The following ME1 variants were observed in gnomAD, a reference collection of about 807,000 sequenced individuals.
ME1 encodes the protein NADP-dependent malic enzyme.
ME1 carries 74 observed loss-of-function variants against 66.4 expected under a neutral mutation model. That is an observed-to-expected ratio of 1.11 (90% CI 0.92 to 1.35). ME1 has a LOEUF of 1.35. Among genes scored for constraint, ME1 ranks in the 40% most tolerant of loss-of-function variants. The probability of loss-of-function intolerance (pLI) is 0.00; values close to 1 mark genes in which losing one functional copy is unlikely to be tolerated. For missense variants in ME1, 750 were observed against 694.1 expected, an observed-to-expected ratio of 1.08 and a Z score of -0.90; for synonymous variants, 251 against 235.6, an observed-to-expected ratio of 1.07 and a Z score of -0.60.
chr6:83,227,551 C>A, intron 10 of ME1, 74 bp from the exon 11 acceptor site: 2 of 1,237,324 alleles, frequency 1.6e-6, no homozygotes, highest in South Asian at 3.6e-5. Context: ...TGCCTCAAAT[C>A]AATGATATCT....
intron 3 of ME1, among the ~76,000 whole-genome samples, chr6:83,373,454 G>A (rs983303884): frequency 2.6e-5 from 4 of 152,106 alleles, no homozygotes; most frequent in Admixed American, 1.3e-4. Context: ...GGCTGGTCTC[G>A]AACTCCGCCC....
intron 6 of ME1, among the ~76,000 whole-genome samples, chr6:83,310,706 A>G (rs1346213360): frequency 6.6e-6 from 1 of 152,132 alleles, no homozygotes; most frequent in Non-Finnish European, 1.5e-5. Context: ...CAGATGTTTG[A>G]GAAATATGAG....
At position 83,265,642 on chromosome 6, in the gene ME1, A is replaced by G. The variant is rs569696476; in HGVS notation, c.705-11904T>C. Among the ~76,000 whole-genome samples the G allele has an allele frequency of 2.6e-4, 40 of 152,232 alleles. 1 individual carries two copies. In the South Asian group the frequency reaches 8.1e-3, roughly 31 times the overall value. On this transcript the variant is annotated intron_variant, in intron 6 of 13. Transcript: ENST00000369705. ...ACTGAGAAACCAAAAAATTCATGTGACTTGCTTTATTGTAGTATTTGTTTT... is the reference window on the plus strand; with the variant it reads ...ACTGAGAAACCAAAAAATTCATGTGGCTTGCTTTATTGTAGTATTTGTTTT...
chr6:83,341,569 C>T (rs998899849), intron 5 of ME1, among the ~76,000 whole-genome samples: 1 of 152,084 alleles, frequency 6.6e-6, no homozygotes, highest in Non-Finnish European at 1.5e-5. Flanking sequence ...AACAAGAACT[C>T]TAGTTGATCA....
rs143880853 is a variant in ME1, at chr6:83,359,923, T to G, written c.363-7784A>C. On this transcript the variant is annotated intron_variant, in intron 3 of 13. Transcript: ENST00000369705. ...AGGGGCCAAGTGGCCACACTCAACC[T>G]TCAAACGCAAGGTGGGTGGAGCTAC... Among the ~76,000 whole-genome samples, 1,001 of 152,306 alleles carry G rather than the reference T, an allele frequency of 6.6e-3. 10 individuals carry two copies. The highest frequency in any genetic ancestry group is 0.023 in the African/African-American group (949 of 41,564).
At chr6:83,333,986 C>A (rs1768469959) in intron 5 of ME1, among the ~76,000 whole-genome samples, 1 of 151,886 alleles carries the variant, frequency 6.6e-6, no homozygotes, top group South Asian at 2.1e-4. Context: ...ATAGGAACAG[C>A]TCTGGTCTAC....
chr6:83,251,853 T>C lies in ME1; in HGVS notation c.814+1776A>G, dbSNP rs565378156. Among the ~76,000 whole-genome samples the C allele has an allele frequency of 1.6e-4, 25 of 152,272 alleles. No homozygotes were observed. The South Asian group carries it at 1.7e-3, about 10-fold the overall frequency. On this transcript the variant is annotated intron_variant, in intron 7 of 13. Transcript: ENST00000369705. ...TACAATGAAAATCCATCAAATTATTTTGAGGAAGAACTAATAAGATCAGAT... is the reference window on the plus strand; with the variant it reads ...TACAATGAAAATCCATCAAATTATTCTGAGGAAGAACTAATAAGATCAGAT...
At chr6:83,418,324 G>A (rs148696919) in intron 1 of ME1, among the ~76,000 whole-genome samples, 12 of 152,268 alleles carry the variant, frequency 7.9e-5, no homozygotes, top group African/African-American at 2.9e-4. Context: ...CAATGGTAAT[G>A]GTGTAGATCC....
intron 6 of ME1, among the ~76,000 whole-genome samples, chr6:83,269,882 T>C (rs1767054736): frequency 6.6e-6 from 1 of 152,146 alleles, no homozygotes; most frequent in African/African-American, 2.4e-5. Flanking sequence ...TTTATAAAAA[T>C]AAAAGTCTTC....
chr6:83,272,845 A>C (rs867937615), intron 6 of ME1, among the ~76,000 whole-genome samples: 1 of 152,106 alleles, frequency 6.6e-6, no homozygotes, highest in Non-Finnish European at 1.5e-5. Flanking sequence ...TTACATGTAA[A>C]CTAATTCTCT....
chr6:83,345,551 A>T (rs1160265838), intron 5 of ME1, among the ~76,000 whole-genome samples: 1 of 152,188 alleles, frequency 6.6e-6, no homozygotes, highest in Non-Finnish European at 1.5e-5. Context: ...TCTGTTTGGG[A>T]CCTAGGTCTG....
intron 2 of ME1, among the ~76,000 whole-genome samples, chr6:83,403,896 G>T (rs574853745): frequency 6.6e-6 from 1 of 152,274 alleles, no homozygotes; most frequent in Admixed American, 6.5e-5. Flanking sequence ...CATCCAGTCA[G>T]TCTATCATTG....
intron 6 of ME1, among the ~76,000 whole-genome samples, chr6:83,255,478 A>C (rs1766748898): frequency 6.6e-6 from 1 of 151,910 alleles, no homozygotes; most frequent in Non-Finnish European, 1.5e-5. Flanking sequence ...AATGCTTACA[A>C]CAGTCTCCTC....
intron 7 of ME1, among the ~76,000 whole-genome samples, chr6:83,246,526 G>C (rs1358833768): frequency 6.6e-6 from 1 of 151,784 alleles, no homozygotes; most frequent in East Asian, 1.9e-4. Flanking sequence ...AAAATATCTT[G>C]TGAATACCTA....
chr6:83,424,024 G>A (rs1009732491), intron 1 of ME1, among the ~76,000 whole-genome samples: 2 of 151,388 alleles, frequency 1.3e-5, no homozygotes, highest in Non-Finnish European at 2.9e-5. Flanking sequence ...CTGAGTCTGG[G>A]AGGTCAAGGC....
At chr6:83,212,190 T>A (rs1789903858) in intron 13 of ME1, 96 bp from the exon 14 acceptor site, 1 of 812,108 alleles carries the variant, frequency 1.2e-6, no homozygotes, top group South Asian at 3.0e-5. Flanking sequence ...AAACACTGTA[T>A]CCTATGTTTG....
intron 1 of ME1, among the ~76,000 whole-genome samples, chr6:83,420,070 CTT>C (rs535462119): frequency 6.7e-6 from 1 of 149,594 alleles, no homozygotes; most frequent in Non-Finnish European, 1.5e-5. Context: ...TAGGTGGTAT[CTT>C]TTTTTTTTCT....
intron 5 of ME1, among the ~76,000 whole-genome samples, chr6:83,325,081 A>T (rs1768262101): frequency 6.6e-6 from 1 of 152,224 alleles, no homozygotes; most frequent in Non-Finnish European, 1.5e-5. Flanking sequence ...AATAAATGTA[A>T]TCCATCACAT....
chr6:83,275,715 T>C (rs1189902953), intron 6 of ME1, among the ~76,000 whole-genome samples: 2 of 142,564 alleles, frequency 1.4e-5, no homozygotes, highest in African/African-American at 5.2e-5. Context: ...TCCGCCCGCC[T>C]CGGCCTCCCA....
Sources: allele counts gnomAD v4.1 joint callset (sites outside exome capture counted in the v4.1 genomes callset), GRCh38; gene constraint gnomAD v4.1.1; transcripts MANE v1.5; gene names NCBI Gene and HGNC (gene_info 2026-07-23, HGNC 2026-07-21).